NFIA: variants seen among roughly 807,000 people sequenced by gnomAD.
NFIA encodes the protein nuclear factor I A, also known as nuclear factor 1 A-type.
In NFIA, 8 loss-of-function variants were observed where a neutral mutation model predicts 62.8. The ratio of observed to expected loss-of-function variants is 0.13; its 90% CI spans 0.07 to 0.23. NFIA has a LOEUF of 0.23. Among genes scored for constraint, NFIA ranks in the 10% least tolerant of loss-of-function variants. NFIA has a pLI of 1.00. For synonymous variants in NFIA, 235 were observed against 238.1 expected, an observed-to-expected ratio of 0.99 and a Z score of 0.12; for missense variants, 410 against 642.1, an observed-to-expected ratio of 0.64 and a Z score of 3.91.
chr1:61,389,027 T>C (rs1372619294), intron 7 of NFIA, among the ~76,000 whole-genome samples: 1 of 151,976 alleles, frequency 6.6e-6, no homozygotes, highest in African/African-American at 2.4e-5. Flanking sequence ...GGTGGGAGGA[T>C]TGCTTGAGCC....
At chr1:61,424,900 G>A (rs1265948356) in intron 9 of NFIA, among the ~76,000 whole-genome samples, 2 of 152,172 alleles carry the variant, frequency 1.3e-5, no homozygotes, top group Non-Finnish European at 2.9e-5. Flanking sequence ...ATGGCTAAAG[G>A]CAGAGGTATT....
intron 2 of NFIA, among the ~76,000 whole-genome samples, chr1:61,242,361 G>T (rs1177153806): frequency 6.6e-6 from 1 of 152,046 alleles, no homozygotes; most frequent in Non-Finnish European, 1.5e-5. Flanking sequence ...TAATGTGCTT[G>T]GATTCCAAGG....
chr1:61,161,963 A>G (rs1649240247), intron 2 of NFIA, among the ~76,000 whole-genome samples: 1 of 152,176 alleles, frequency 6.6e-6, no homozygotes, highest in Non-Finnish European at 1.5e-5. Flanking sequence ...TAAAGTGGTG[A>G]ATGTAAGCAA....
chr1:61,344,225 T>TACA (rs1248455133), intron 4 of NFIA, among the ~76,000 whole-genome samples: 2 of 152,218 alleles, frequency 1.3e-5, no homozygotes, highest in Admixed American at 1.3e-4. Flanking sequence ...TTGTGCGTTT[T>TACA]ACAACTGTGC....
chr1:61,227,676 A>G (rs542771045), intron 2 of NFIA, among the ~76,000 whole-genome samples: 42 of 152,270 alleles, frequency 2.8e-4, no homozygotes, highest in Non-Finnish European at 5.6e-4. Flanking sequence ...ATGGACTTAA[A>G]TGTGTATGTG....
chr1:61,319,605 G>A (rs1660556825), intron 3 of NFIA, among the ~76,000 whole-genome samples: 1 of 151,960 alleles, frequency 6.6e-6, no homozygotes, highest in African/African-American at 2.4e-5. Flanking sequence ...CCCCAGTAGA[G>A]GTTATTTTAA....
intron 2 of NFIA, among the ~76,000 whole-genome samples, chr1:61,166,674 T>G (rs1006045120): frequency 2.0e-5 from 3 of 152,132 alleles, no homozygotes; most frequent in African/African-American, 7.2e-5. Flanking sequence ...CCAAACTACT[T>G]ATAGTTTATA....
rs67912567 is a variant in NFIA, at chr1:61,257,329, G to GTTTT, written c.560-20168_560-20165dup. On this transcript the variant is annotated intron_variant, in intron 2 of 10. Transcript: ENST00000403491. ...TGTTTTTTATATTTTTTACTGCGTTGTTTTTTTTTTTTTTTTTTTTTTTTT... is the reference window on the plus strand; with the variant it reads ...TGTTTTTTATATTTTTTACTGCGTTGTTTTTTTTTTTTTTTTTTTTTTTTTTTTT... 2.2e-4 allele frequency among the ~76,000 whole-genome samples: 12 copies of GTTTT among 54,730 alleles called. 1 individual carries two copies. In the East Asian group the frequency reaches 4.2e-3, roughly 19 times the overall value. 35.9% of individuals were successfully genotyped at this position (54,730 alleles called of 152,430 possible).
At chr1:61,383,597 G>A (rs1664533018) in intron 7 of NFIA, among the ~76,000 whole-genome samples, 1 of 152,236 alleles carries the variant, frequency 6.6e-6, no homozygotes. Context: ...GTTGGCCAGT[G>A]AGATTTTTGC....
rs571851858 is a variant in NFIA, at chr1:61,121,785, T to A, written c.559+33105T>A. On this transcript the variant is annotated intron_variant, in intron 2 of 10. Transcript: ENST00000403491. Reference sequence around the variant, plus strand: ...TTGATAAAACAAAATGTTCACTAGCTGGACCCTGGTGGTGATAGCATGAAG... The same window carrying A: ...TTGATAAAACAAAATGTTCACTAGCAGGACCCTGGTGGTGATAGCATGAAG... 3.9e-5 allele frequency among the ~76,000 whole-genome samples: 6 copies of A among 152,326 alleles called. No individual in the cohort carries two copies. The South Asian group carries it at 6.2e-4, about 16-fold the overall frequency.
At chr1:61,290,967 G>C (rs1658843655) in intron 3 of NFIA, among the ~76,000 whole-genome samples, 1 of 152,126 alleles carries the variant, frequency 6.6e-6, no homozygotes, top group Admixed American at 6.6e-5. Context: ...GAAAGGTAGG[G>C]GAATGATGAA....
chr1:61,339,881 A>G (rs981653249), intron 4 of NFIA, among the ~76,000 whole-genome samples: 1 of 152,202 alleles, frequency 6.6e-6, no homozygotes, highest in Non-Finnish European at 1.5e-5. Context: ...CAGCCGACTC[A>G]GCCCTATGAA....
At chr1:61,146,048 G>A (rs1157538408) in intron 2 of NFIA, among the ~76,000 whole-genome samples, 1 of 152,158 alleles carries the variant, frequency 6.6e-6, no homozygotes, top group African/African-American at 2.4e-5. Context: ...TGAAATGAAG[G>A]TGTTCCGAGG....
At chr1:61,330,700 A>G (rs1661256426) in intron 3 of NFIA, among the ~76,000 whole-genome samples, 1 of 152,194 alleles carries the variant, frequency 6.6e-6, no homozygotes, top group Non-Finnish European at 1.5e-5. Flanking sequence ...CACGCTATAC[A>G]GAAATTCATG....
intron 4 of NFIA, among the ~76,000 whole-genome samples, chr1:61,336,807 C>T (rs1210150748): frequency 6.6e-5 from 10 of 152,096 alleles, no homozygotes; most frequent in Non-Finnish European, 1.5e-4. Flanking sequence ...GTTATCTATC[C>T]CAGCCCCATC....
At chr1:61,258,481 T>G (rs1404511214) in intron 2 of NFIA, among the ~76,000 whole-genome samples, 3 of 152,228 alleles carry the variant, frequency 2.0e-5, no homozygotes, top group African/African-American at 7.2e-5. Context: ...TCTTCTCTTC[T>G]CATTAACAGC....
At chr1:61,174,775 G>A (rs1650211438) in intron 2 of NFIA, among the ~76,000 whole-genome samples, 1 of 152,204 alleles carries the variant, frequency 6.6e-6, no homozygotes, top group African/African-American at 2.4e-5. Context: ...AGGGTAAAAG[G>A]ATGAGAAGAC....
Position 61,332,531 on chromosome 1 carries a change from C to T in NFIA, c.645C>T (p.Asp215=), listed in dbSNP as rs368650804. ...CCCCAGGACATTTGGGCTTCCAGGA[C>T]AGTTTTGTCACATCAGGTGTTTTTA... is the stretch of plus-strand genomic sequence containing the variant. The part of the protein sequence containing the change: ...QPENGHLGFQ[D]SFVTSGVFSV... The change falls in exon 4 of 11, where the codon GAC becomes GAT. Residue 215 remains aspartate, a synonymous_variant. Coordinates refer to ENST00000403491, the MANE Select transcript of NFIA (RefSeq NM_001134673.4). The T allele has an allele frequency of 2.3e-5, 37 of 1,613,794 alleles. No homozygotes were observed. Among genetic ancestry groups the T allele is most frequent in the Admixed American group, 8.3e-5 (5 of 59,982 alleles).
chr1:61,084,146 A>G (rs574754544), intron 1 of NFIA, among the ~76,000 whole-genome samples: 36 of 152,292 alleles, frequency 2.4e-4, no homozygotes, highest in African/African-American at 6.3e-4. Flanking sequence ...TCTCCCTTAA[A>G]AAACCTACCA....
Sources: allele counts gnomAD v4.1 joint callset (sites outside exome capture counted in the v4.1 genomes callset), GRCh38; gene constraint gnomAD v4.1.1; transcripts MANE v1.5; gene names NCBI Gene and HGNC (gene_info 2026-07-23, HGNC 2026-07-21).